The following IRAK3 variants were observed in gnomAD, a reference collection of about 807,000 sequenced individuals.
IRAK3 encodes the protein interleukin 1 receptor associated kinase 3.
IRAK3 carries 57 observed loss-of-function variants against 56.6 expected under a neutral mutation model. The ratio of observed to expected loss-of-function variants is 1.01; its 90% confidence interval spans 0.81 to 1.26. The LOEUF is 1.26. Among genes scored for constraint, IRAK3 ranks in the 50% most tolerant of loss-of-function variants. The pLI, the probability that IRAK3 is intolerant of heterozygous loss-of-function variation, is 0.00. For synonymous variants in IRAK3, 258 were observed against 255.7 expected (o/e 1.01, Z -0.09); for missense variants, 703 against 719.0 (o/e 0.98, Z 0.25).
rs574618581 is a variant in IRAK3 at position 66,253,455 on chromosome 12, A to G, written c.*5284A>G. The G allele has an allele frequency of 3.5e-4, 54 of 152,252 alleles. No individual in the cohort carries two copies. Among genetic ancestry groups the G allele is most frequent in the African/African-American group, 1.2e-3 (50 of 41,568 alleles). 9.4% of individuals were successfully genotyped at this position (152,252 alleles called of 1,614,324 possible). On this transcript the variant is annotated 3_prime_UTR_variant, in exon 12 of 12. Coordinates refer to ENST00000261233, the MANE Select transcript of IRAK3 (RefSeq NM_007199.3). ...TTCCCGTTCCAAATCATTTATATATACTTGATGGTCTGTGGGCTTGACTTG... is the reference window on the plus strand; with the variant it reads ...TTCCCGTTCCAAATCATTTATATATGCTTGATGGTCTGTGGGCTTGACTTG...
intron 2 of IRAK3, among the ~76,000 whole-genome samples, chr12:66,205,852 T>C (rs2052553525): frequency 6.6e-6 from 1 of 152,212 alleles, no homozygotes; most frequent in Admixed American, 6.5e-5. Flanking sequence ...CCAGGTACTA[T>C]GCCTACAATT....
rs573729405 is a variant in IRAK3, at chr12:66,212,874, C to T, written c.588+1277C>T. ...GGAGGGGAACATCACACACCCAGGGCCTGTTGGGGGGTTGGGGGAAATGGG... is the reference window on the plus strand; with the variant it reads ...GGAGGGGAACATCACACACCCAGGGTCTGTTGGGGGGTTGGGGGAAATGGG... On this transcript the variant is annotated intron_variant, in intron 5 of 11. Coordinates refer to ENST00000261233, the MANE Select transcript of IRAK3 (RefSeq NM_007199.3). 7.9e-5 allele frequency among the ~76,000 whole-genome samples: 12 copies of T among 151,922 alleles called. No individual in the cohort carries two copies. The South Asian group carries it at 2.5e-3, about 32-fold the overall frequency.
intron 5 of IRAK3, among the ~76,000 whole-genome samples, chr12:66,216,412 A>T (rs1216377835): frequency 6.6e-6 from 1 of 152,098 alleles, no homozygotes; most frequent in Non-Finnish European, 1.5e-5. Context: ...CTCTCCCTTT[A>T]TTCCTGAGGG....
intron 7 of IRAK3, among the ~76,000 whole-genome samples, chr12:66,227,638 T>A (rs1050358822): frequency 6.6e-6 from 1 of 151,894 alleles, no homozygotes; most frequent in Non-Finnish European, 1.5e-5. Context: ...GGCACATGCC[T>A]GTCCCAGCTA....
At chr12:66,230,027 G>A (rs918474409) in intron 8 of IRAK3, among the ~76,000 whole-genome samples, 2 of 152,166 alleles carry the variant, frequency 1.3e-5, no homozygotes, top group Admixed American at 1.3e-4. Flanking sequence ...GAAGGTGTTG[G>A]GGTTTTGGCT....
intron 8 of IRAK3, among the ~76,000 whole-genome samples, chr12:66,231,145 A>G (rs1370024856): frequency 6.6e-6 from 1 of 152,178 alleles, no homozygotes; most frequent in African/African-American, 2.4e-5. Flanking sequence ...TCTTACCTCT[A>G]TCGTCAATTT....
At chr12:66,209,642 T>C (rs1479022344) in intron 3 of IRAK3, 122 bp downstream of exon 3, 5 of 726,680 alleles carry the variant, frequency 6.9e-6, no homozygotes, top group African/African-American at 5.2e-5. Context: ...AAATCAGAAA[T>C]GCCTTTGTTC....
rs941867383 is a variant in IRAK3 at position 66,211,617 on chromosome 12, C to T, written c.588+20C>T. On this transcript the variant is annotated intron_variant, in intron 5 of 11. Coordinates refer to ENST00000261233, the MANE Select transcript of IRAK3 (RefSeq NM_007199.3). ...AAACAGGTATGGAAAGAATTACTGT[C>T]ACAGGACATCAGTTCCACTTATTTG... 1 of 1,584,932 alleles carries T rather than the reference C, an allele frequency of 6.3e-7. No homozygotes were observed. Among genetic ancestry groups the T allele is most frequent in the African/African-American group, 1.3e-5 (1 of 74,424 alleles).
chr12:66,242,438 TC>T (rs971739835), intron 8 of IRAK3, among the ~76,000 whole-genome samples: 2 of 152,212 alleles, frequency 1.3e-5, no homozygotes, highest in African/African-American at 4.8e-5. Flanking sequence ...TCTAGTCTGT[TC>T]CTCATCTGAG....
intron 8 of IRAK3, among the ~76,000 whole-genome samples, chr12:66,238,262 A>C (rs1592600482): frequency 6.6e-6 from 1 of 152,238 alleles, no homozygotes; most frequent in African/African-American, 2.4e-5. Context: ...GATAGACTGC[A>C]GTCAGATGAG....
intron 1 of IRAK3, among the ~76,000 whole-genome samples, chr12:66,191,619 A>T (rs1419540965): frequency 6.6e-6 from 1 of 152,198 alleles, no homozygotes; most frequent in Non-Finnish European, 1.5e-5. Flanking sequence ...GGTGCTGCAC[A>T]AGTTCTTGGC....
At chr12:66,210,637 A>C (rs2136924384) in intron 4 of IRAK3, among the ~76,000 whole-genome samples, 1 of 152,282 alleles carries the variant, frequency 6.6e-6, no homozygotes, top group East Asian at 1.9e-4. Context: ...TTCCTACTTT[A>C]TTAGTAGGAA....
At chr12:66,228,176 G>A (rs1019213354) in intron 7 of IRAK3, 76 bp from the exon 8 acceptor site, 1 of 1,017,128 alleles carries the variant, frequency 9.8e-7, no homozygotes, top group African/African-American at 1.6e-5. Context: ...CTATTCTGGT[G>A]TATGTCTGCA....
rs1381322337 is a variant in IRAK3 at position 66,249,346 on chromosome 12, T to C, written c.*1175T>C. 1 of 152,204 alleles carries C rather than the reference T, an allele frequency of 6.6e-6. No homozygotes were observed. The highest frequency in any genetic ancestry group is 1.5e-5 in the Non-Finnish European group (1 of 68,102). 9.4% of individuals were successfully genotyped at this position (152,204 alleles called of 1,614,324 possible). ...ACGCCCGGCTAATTTTTTGTATTTT[T>C]AGTAGAGACGGGGTTTCACCATGTT... On this transcript the variant is annotated 3_prime_UTR_variant, in exon 12 of 12. Transcript: ENST00000261233.
At position 66,201,873 on chromosome 12, in the gene IRAK3, G is replaced by A. The variant is rs11176085; in HGVS notation, c.134-1838G>A. 1.4e-4 allele frequency among the ~76,000 whole-genome samples: 21 copies of A among 152,244 alleles called. No homozygotes were observed. In the South Asian group the frequency reaches 1.9e-3, roughly 14 times the overall value. On this transcript the variant is annotated intron_variant, in intron 1 of 11. Transcript: ENST00000261233. ...CAACAGCTGAATCTAACTGTATTAC[G>A]AATGAATAATAACCACACTGAAGGG...
At chr12:66,214,893 G>C (rs541936431) in intron 5 of IRAK3, among the ~76,000 whole-genome samples, 79 of 152,294 alleles carry the variant, frequency 5.2e-4, no homozygotes, top group African/African-American at 1.8e-3. Flanking sequence ...TAAGAGACGA[G>C]GTGAAGTGGA....
At chr12:66,199,294 T>G (rs1339048499) in intron 1 of IRAK3, among the ~76,000 whole-genome samples, 2 of 152,208 alleles carry the variant, frequency 1.3e-5, no homozygotes, top group Non-Finnish European at 2.9e-5. Context: ...GAGGCTGTGT[T>G]TTGCCTGGAG....
Position 66,250,553 on chromosome 12 carries a change from A to G in IRAK3, c.*2382A>G, listed in dbSNP as rs1172004348. ...CATGCCCACCACTGCTCTGTACGGT[A>G]TCTGGCTGCTCAGAGCTCTCTGATT... On this transcript the variant is annotated 3_prime_UTR_variant, in exon 12 of 12. Coordinates refer to ENST00000261233, the MANE Select transcript of IRAK3 (RefSeq NM_007199.3). 1 of 152,238 alleles carries G rather than the reference A, an allele frequency of 6.6e-6. No homozygotes were observed. Among genetic ancestry groups the G allele is most frequent in the African/African-American group, 2.4e-5 (1 of 41,470 alleles). 9.4% of individuals were successfully genotyped at this position (152,238 alleles called of 1,614,324 possible). A position where few individuals can be genotyped will look rare whatever the true frequency, so the allele number is the denominator to read the frequency against.
intron 1 of IRAK3, among the ~76,000 whole-genome samples, chr12:66,194,433 T>C (rs987926405): frequency 6.6e-6 from 1 of 152,210 alleles, no homozygotes; most frequent in Non-Finnish European, 1.5e-5. Flanking sequence ...CTGAAGTCAC[T>C]ACAGCTAAAT....
Sources: allele counts gnomAD v4.1 joint callset (sites outside exome capture counted in the v4.1 genomes callset), GRCh38; gene constraint gnomAD v4.1.1; transcripts MANE v1.5; gene names NCBI Gene and HGNC (gene_info 2026-07-23, HGNC 2026-07-21).